SPTA1: variants seen among roughly 807,000 people sequenced by gnomAD.
SPTA1 encodes spectrin alpha, erythrocytic 1, also known as spectrin alpha chain, erythrocytic 1.
SPTA1 carries 177 observed loss-of-function variants against 324.7 expected under a neutral mutation model. That is an observed-to-expected ratio of 0.55 (90% CI 0.48 to 0.62). The LOEUF (loss-of-function observed/expected upper bound fraction) is 0.62, where lower values mean the gene tolerates loss of function less well. Ranked by LOEUF, SPTA1 falls within the 20% of genes least tolerant of loss-of-function variation. The probability of loss-of-function intolerance (pLI) is 0.00; values close to 1 mark genes in which losing one functional copy is unlikely to be tolerated. For missense variants in SPTA1, 3,162 were observed against 2,883.6 expected, an observed-to-expected ratio of 1.10 and a Z score of -2.21; for synonymous variants, 1,195 against 1,041.3, an observed-to-expected ratio of 1.15 and a Z score of -2.84.
At chr1:158,637,018 C>T (rs570943007) in intron 36 of SPTA1, among the ~76,000 whole-genome samples, 1 of 152,300 alleles carries the variant, frequency 6.6e-6, no homozygotes, top group South Asian at 2.1e-4. Context: ...CCATTAGTCC[C>T]TTTGCTTCTC....
At chr1:158,626,273 T>C (rs370941455) in intron 41 of SPTA1, 51 bp from the exon 42 acceptor site, 92 of 1,548,404 alleles carry the variant, frequency 5.9e-5, no homozygotes, top group Non-Finnish European at 7.8e-5. Flanking sequence ...CTTGTTTGAG[T>C]CCTGGGAAGC....
intron 11 of SPTA1, among the ~76,000 whole-genome samples, chr1:158,671,682 C>T (rs978548299): frequency 2.0e-5 from 3 of 152,128 alleles, no homozygotes; most frequent in South Asian, 2.1e-4. Flanking sequence ...CATGGAATTC[C>T]TCAACCAGTC....
chr1:158,663,521 A>G (rs1653391934), intron 16 of SPTA1, among the ~76,000 whole-genome samples: 1 of 152,354 alleles, frequency 6.6e-6, no homozygotes, highest in Non-Finnish European at 1.5e-5. Flanking sequence ...AGATACAGAA[A>G]CAGGATTTTG....
intron 10 of SPTA1, 31 bp downstream of exon 10, chr1:158,674,298 G>A: frequency 6.3e-7 from 1 of 1,591,266 alleles, no homozygotes; most frequent in Non-Finnish European, 8.6e-7. Flanking sequence ...TATATAATTG[G>A]AATTTGACAA....
chr1:158,627,563 A>G (rs1650359824), intron 40 of SPTA1, 62 bp downstream of exon 40: 2 of 1,482,444 alleles, frequency 1.3e-6, no homozygotes, highest in African/African-American at 1.4e-5. Flanking sequence ...TAGCATTTCT[A>G]CATTTGGGCC....
At chr1:158,681,464 C>A in intron 4 of SPTA1, 63 bp downstream of exon 4, 1 of 1,611,630 alleles carries the variant, frequency 6.2e-7, no homozygotes, top group Non-Finnish European at 8.5e-7. Context: ...CAGTAATTTG[C>A]TATGGGGTAC....
Position 158,626,853 on chromosome 1 carries a change from A to G in SPTA1, c.5819T>C (p.Val1940Ala), listed in dbSNP as rs901732967. 1 of 1,613,750 alleles carries G rather than the reference A, an allele frequency of 6.2e-7. No individual in the cohort carries two copies. The highest frequency in any genetic ancestry group is 8.5e-7 in the Non-Finnish European group (1 of 1,179,710). Residue 1940 changes from valine to alanine, a missense_variant, in exon 41 of 52, where the codon GTA (valine) becomes GCA (alanine). Physicochemically the swap from Val to Ala is moderately conservative, Grantham distance 64. Transcript: ENST00000643759. ...ACACATCATACCTATCCAAGCCTCT[A>G]CCACATCAGCCTTCCAGTTGAATTC... is the stretch of plus-strand genomic sequence containing the variant. ...FQEFNWKADV[V>A]EAWIADKETS...
Position 158,617,533 on chromosome 1 carries a change from T to G in SPTA1, c.6600+4A>C, listed in dbSNP as rs1649630713. ...TCTTCAGTTAATGAAAAAACAATAC[T>G]TACTTTATTTGCTTCCAGCTGAGAT... On this transcript the variant is annotated splice_donor_region_variant and intron_variant, in intron 47 of 51. Coordinates refer to ENST00000643759, the MANE Select transcript of SPTA1 (RefSeq NM_003126.4). 1.2e-6 allele frequency: 2 copies of G among 1,612,776 alleles called. No homozygotes were observed. Among genetic ancestry groups the G allele is most frequent in the Non-Finnish European group, 8.5e-7 (1 of 1,178,870 alleles).
At chr1:158,657,727 T>A in intron 18 of SPTA1, 33 bp from the exon 19 acceptor site, 1 of 1,593,234 alleles carries the variant, frequency 6.3e-7, no homozygotes, top group Non-Finnish European at 8.6e-7. Context: ...GTGAGTATGA[T>A]CCTCATGAGT....
chr1:158,636,820 G>A, intron 36 of SPTA1, 59 bp from the exon 37 acceptor site: 1 of 1,610,170 alleles, frequency 6.2e-7, no homozygotes, highest in Non-Finnish European at 8.5e-7. Flanking sequence ...TCATCCTACA[G>A]CAATAGCTTT....
intron 25 of SPTA1, among the ~76,000 whole-genome samples, chr1:158,649,617 A>G (rs868489694): frequency 6.6e-6 from 1 of 152,192 alleles, no homozygotes; most frequent in African/African-American, 2.4e-5. Flanking sequence ...GGAAACATAT[A>G]TAGACTACTA....
intron 23 of SPTA1, 119 bp downstream of exon 23, chr1:158,652,348 G>A (rs1310605254): frequency 6.0e-6 from 7 of 1,162,602 alleles, no homozygotes; most frequent in Non-Finnish European, 8.8e-6. Context: ...CCACAGAGTT[G>A]CCAATAGCTT....
chr1:158,636,667 G>A lies in SPTA1; in HGVS notation c.5284C>T (p.Leu1762=). 6.2e-7 allele frequency: 1 copy of A among 1,614,034 alleles called. No homozygotes were observed. Among genetic ancestry groups the A allele is most frequent in the Non-Finnish European group, 8.5e-7 (1 of 1,179,988 alleles). ...TGGATGGCAGGCTCATGGGCCACCA[G>A]CTCCCCCTCTAGGCGTTTGTGCTTC... is the stretch of plus-strand genomic sequence containing the variant. ...LKKHKRLEGE[L]VAHEPAIQNV... Residue 1762 remains leucine (L), a synonymous_variant, in exon 37 of 52, where the codon CTG becomes TTG. Transcript: ENST00000643759.
At chr1:158,631,022 G>C (rs1187346418) in intron 39 of SPTA1, among the ~76,000 whole-genome samples, 1 of 152,050 alleles carries the variant, frequency 6.6e-6, no homozygotes, top group Non-Finnish European at 1.5e-5. Context: ...TTACACTGCT[G>C]GTGAAAATGT....
chr1:158,676,035 G>T, intron 8 of SPTA1, 106 bp downstream of exon 8: 1 of 1,492,862 alleles, frequency 6.7e-7, no homozygotes. Context: ...AGGCAGGAGA[G>T]CTGATTCTCT....
chr1:158,681,522 G>T lies in SPTA1; in HGVS notation c.531+5C>A. 1.9e-6 allele frequency: 3 copies of T among 1,613,498 alleles called. No homozygotes were observed. The highest frequency in any genetic ancestry group is 2.5e-6 in the Non-Finnish European group (3 of 1,179,618). On this transcript the variant is annotated splice_donor_5th_base_variant and intron_variant, in intron 4 of 51. Transcript: ENST00000643759. ...CCTGTGTGATTGCTGTTTTAAGTTC[G>T]ATACCTTGTCTCCAATCCACTCTAA...
intron 18 of SPTA1, among the ~76,000 whole-genome samples, chr1:158,658,516 A>C (rs1461383753): frequency 6.6e-6 from 1 of 152,210 alleles, no homozygotes; most frequent in Non-Finnish European, 1.5e-5. Context: ...TCAAAGTGGA[A>C]AAATATTGTA....
chr1:158,640,602 C>T lies in SPTA1; in HGVS notation c.4738-595G>A, dbSNP rs1651482056. On this transcript the variant is annotated intron_variant, in intron 33 of 51. Coordinates refer to ENST00000643759, the MANE Select transcript of SPTA1 (RefSeq NM_003126.4). The stretch of plus-strand genomic sequence containing the variant: ...AAAGAGAATAAAATACCTAGGAATC[C>T]ACCTTACAAGGGATGTGAAGGACCT... Among the ~76,000 whole-genome samples the T allele has an allele frequency of 2.0e-5, 3 of 152,072 alleles. No individual in the cohort carries two copies. The South Asian group carries it at 6.2e-4, about 32-fold the overall frequency.
intron 8 of SPTA1, among the ~76,000 whole-genome samples, 160 bp downstream of exon 8, chr1:158,675,980 CA>C (rs1380351445): frequency 6.6e-6 from 1 of 152,152 alleles, no homozygotes; most frequent in Non-Finnish European, 1.5e-5. Context: ...ATATCAGTCA[CA>C]AAGGACTTCC....
Sources: allele counts gnomAD v4.1 joint callset (sites outside exome capture counted in the v4.1 genomes callset), GRCh38; gene constraint gnomAD v4.1.1; transcripts MANE v1.5; gene names NCBI Gene and HGNC (gene_info 2026-07-23, HGNC 2026-07-21).